The following MC2R variants were observed in gnomAD, a reference collection of about 807,000 sequenced individuals.
MC2R encodes the protein adrenocorticotropic hormone receptor.
MC2R carries 9 observed loss-of-function variants against 9.8 expected under a neutral mutation model. The observed-to-expected ratio is 0.92, with a 90% confidence interval of 0.55 to 1.60. The LOEUF is 1.60. Among genes scored for constraint, MC2R ranks in the 40% most tolerant of loss-of-function variants. The pLI, the probability that MC2R is intolerant of heterozygous loss-of-function variation, is 0.00. For synonymous variants in MC2R, 185 were observed against 154.7 expected (o/e 1.20, Z -1.45); for missense variants, 370 against 389.0 (o/e 0.95, Z 0.41).
At chr18:13,898,303 C>T (rs1042767905) in intron 1 of MC2R, among the ~76,000 whole-genome samples, 14 of 152,232 alleles carry the variant, frequency 9.2e-5, no homozygotes, top group African/African-American at 2.4e-4. Context: ...CGGAAAGAGA[C>T]GGGTGAGTGG....
intron 1 of MC2R, among the ~76,000 whole-genome samples, chr18:13,898,222 C>T (rs138383212): frequency 5.3e-4 from 80 of 152,254 alleles, no homozygotes; most frequent in Middle Eastern, 6.8e-3. Flanking sequence ...AAGGAAACAT[C>T]GGTGGTAGGC....
intron 1 of MC2R, among the ~76,000 whole-genome samples, chr18:13,891,146 A>G (rs563486655): frequency 6.6e-6 from 1 of 152,330 alleles, no homozygotes; most frequent in Non-Finnish European, 1.5e-5. Flanking sequence ...GTCCACGGCC[A>G]GCATGCCTCC....
rs143627249 is a variant in MC2R at position 13,897,356 on chromosome 18, C to G, written c.-128-11710G>C. Among the ~76,000 whole-genome samples, 182 of 152,290 alleles carry G rather than the reference C, an allele frequency of 1.2e-3. 4 individuals carry two copies. The East Asian group carries it at 0.016, about 13-fold the overall frequency. On this transcript the variant is annotated intron_variant, in intron 1 of 1. Coordinates refer to ENST00000327606, the MANE Select transcript of MC2R (RefSeq NM_000529.2). ...AGGGGGAATCGCTGACCCCAATGGT[C>G]GGAACTTGAGTTCCCGCAAACCTTG...
chr18:13,912,232 T>C (rs2045448772), intron 1 of MC2R, among the ~76,000 whole-genome samples: 1 of 152,162 alleles, frequency 6.6e-6, no homozygotes, highest in Admixed American at 6.5e-5. Flanking sequence ...GAGTGAAAGG[T>C]ATTCTCTCTT....
At chr18:13,902,409 C>A (rs2045385670) in intron 1 of MC2R, among the ~76,000 whole-genome samples, 1 of 152,098 alleles carries the variant, frequency 6.6e-6, no homozygotes, top group African/African-American at 2.4e-5. Flanking sequence ...AATAACAGAA[C>A]TGCAGGAATC....
At chr18:13,914,451 A>G (rs932216741) in intron 1 of MC2R, among the ~76,000 whole-genome samples, 1 of 152,144 alleles carries the variant, frequency 6.6e-6, no homozygotes, top group African/African-American at 2.4e-5. Context: ...TGAATGTGTG[A>G]GCAGAGCCTG....
At chr18:13,892,230 T>C (rs575386540) in intron 1 of MC2R, among the ~76,000 whole-genome samples, 2 of 152,244 alleles carry the variant, frequency 1.3e-5, no homozygotes, top group African/African-American at 4.8e-5. Flanking sequence ...TGGTGGCAAG[T>C]CAGAATGAAG....
Position 13,885,115 on chromosome 18 carries a change from G to A in MC2R, c.404C>T (p.Ala135Val). ...GGTCACGATGCTGTGGTACCGCAGT[G>A]CGTGGAAGATGGTGATGTAGCGGTC... The part of the protein sequence containing the change: ...AADRYITIFH[A>V]LRYHSIVTMR... The change falls in exon 2 of 2, where the codon GCA becomes GTA. Residue 135 changes from alanine to valine, a missense_variant. Transcript: ENST00000327606. The A allele has an allele frequency of 1.9e-6, 3 of 1,614,160 alleles. No individual in the cohort carries two copies. Among genetic ancestry groups the A allele is most frequent in the Non-Finnish European group, 2.5e-6 (3 of 1,180,044 alleles).
rs541221457 is a variant in MC2R, at chr18:13,896,938, A to C, written c.-128-11292T>G. 2.0e-5 allele frequency among the ~76,000 whole-genome samples: 3 copies of C among 152,356 alleles called. No homozygotes were observed. The East Asian group carries it at 5.8e-4, about 29-fold the overall frequency. The stretch of plus-strand genomic sequence containing the variant: ...AAAATCACAGCTCAACATACCTTGA[A>C]ATAATAAAGGCAGAGACAGAACAGA... On this transcript the variant is annotated intron_variant, in intron 1 of 1. Transcript: ENST00000327606.
At position 13,885,439 on chromosome 18, in the gene MC2R, G is replaced by C. The variant is rs28926178; in HGVS notation, c.80C>G (p.Pro27Arg). The C allele has an allele frequency of 3.7e-3, 5,949 of 1,613,930 alleles. 17 individuals are homozygous for C. Among genetic ancestry groups the C allele is most frequent in the Non-Finnish European group, 4.3e-3 (5,121 of 1,179,918 alleles). The stretch of plus-strand genomic sequence containing the variant: ...GGAAATTGTGAAAAATATCTCCTCC[G>C]GCAAAACCACACGAGGACAGTCGGA... ...NNSDCPRVVL[P>R]EEIFFTISIV... The change falls in exon 2 of 2, where the codon CCG (proline) becomes CGG (arginine). Residue 27 changes from proline to arginine, a missense_variant. Transcript: ENST00000327606.
intron 1 of MC2R, among the ~76,000 whole-genome samples, chr18:13,913,116 C>T (rs918076025): frequency 6.6e-6 from 1 of 152,088 alleles, no homozygotes; most frequent in African/African-American, 2.4e-5. Context: ...TTAGGACGAG[C>T]GAAGGAAAGT....
Position 13,882,196 on chromosome 18 carries a change from A to G in MC2R, c.*2429T>C, listed in dbSNP as rs906350421. On this transcript the variant is annotated 3_prime_UTR_variant, in exon 2 of 2. Transcript: ENST00000327606. ...AGCAGTTTAAAAATTGGGTAATTTG[A>G]TAAAAGAATTAAGTCCTCATGGGAA... 3.3e-5 allele frequency: 5 copies of G among 152,042 alleles called. No individual in the cohort carries two copies. Among genetic ancestry groups the G allele is most frequent in the African/African-American group, 1.2e-4 (5 of 41,252 alleles). The allele number at this position is 152,042 out of a possible 1,614,324, so 9.4% of individuals were successfully genotyped here. A position where few individuals can be genotyped will look rare whatever the true frequency, so the allele number is the denominator to read the frequency against.
In MC2R at chr18:13,884,685, G is replaced by A; in HGVS notation, c.834C>T (p.Phe278=). The change falls in exon 2 of 2, where the codon TTC becomes TTT. Residue 278 remains phenylalanine, a synonymous_variant. Transcript: ENST00000327606. ...ATGCGTCCCTGAGCTCTGGGCTCCG[G>A]AAGGCATATATGAAGGGGTCAATGA... ...NAVIDPFIYA[F]RSPELRDAFK... The A allele has an allele frequency of 1.2e-6, 2 of 1,614,102 alleles. No individual in the cohort carries two copies.
intron 1 of MC2R, among the ~76,000 whole-genome samples, chr18:13,888,550 C>A (rs1333553974): frequency 6.6e-6 from 1 of 152,222 alleles, no homozygotes; most frequent in East Asian, 1.9e-4. Flanking sequence ...CGCCTTGTGA[C>A]CACCATGTCA....
intron 1 of MC2R, among the ~76,000 whole-genome samples, chr18:13,914,501 A>C (rs2045465088): frequency 6.6e-6 from 1 of 152,092 alleles, no homozygotes; most frequent in Non-Finnish European, 1.5e-5. Context: ...TGGGGTGGGG[A>C]GGGCATGTGA....
Position 13,884,669 on chromosome 18 carries a change from T to C in MC2R, c.850A>G (p.Arg284Gly), listed in dbSNP as rs2045261158. Reference protein sequence around the residue: ...FIYAFRSPELRDAFKKMIFCS... With the variant: ...FIYAFRSPELGDAFKKMIFCS... ...AAGATCATCTTTTTGAATGCGTCCC[T>C]GAGCTCTGGGCTCCGGAAGGCATAT... The change falls in exon 2 of 2, where the codon AGG becomes GGG. Residue 284 changes from arginine to glycine, a missense_variant. By Grantham distance (125) the Arg-to-Gly change is moderately radical (BLOSUM62 -2). Coordinates refer to ENST00000327606, the MANE Select transcript of MC2R (RefSeq NM_000529.2). The C allele has an allele frequency of 5.6e-6, 9 of 1,614,006 alleles. No individual in the cohort carries two copies. Among genetic ancestry groups the C allele is most frequent in the Non-Finnish European group, 7.6e-6 (9 of 1,180,032 alleles).
At position 13,883,463 on chromosome 18, in the gene MC2R, G is replaced by A. The variant is rs1336447525; in HGVS notation, c.*1162C>T. 1 of 152,144 alleles carries A rather than the reference G, an allele frequency of 6.6e-6. No individual in the cohort carries two copies. Among genetic ancestry groups the A allele is most frequent in the Non-Finnish European group, 1.5e-5 (1 of 68,036 alleles). The allele number at this position is 152,144 out of a possible 1,614,324, so 9.4% of individuals were successfully genotyped here. On this transcript the variant is annotated 3_prime_UTR_variant, in exon 2 of 2. Coordinates refer to ENST00000327606, the MANE Select transcript of MC2R (RefSeq NM_000529.2). ...CTGCTTTCACATTCATCTGCAGAAT[G>A]AGGTGGTGTTTGCCTCCCTCAGGTC...
At chr18:13,896,698 C>T (rs532151197) in intron 1 of MC2R, among the ~76,000 whole-genome samples, 190 of 152,296 alleles carry the variant, frequency 1.2e-3, no homozygotes, top group Non-Finnish European at 2.3e-3. Flanking sequence ...GCAAGGAACA[C>T]ACTCTCTGCC....
chr18:13,886,644 C>T (rs1291783863), intron 1 of MC2R, among the ~76,000 whole-genome samples: 5 of 152,282 alleles, frequency 3.3e-5, no homozygotes, highest in South Asian at 2.1e-4. Context: ...ATACAATGAG[C>T]GTCAGCACTT....
Sources: allele counts gnomAD v4.1 joint callset (sites outside exome capture counted in the v4.1 genomes callset), GRCh38; gene constraint gnomAD v4.1.1; transcripts MANE v1.5; gene names NCBI Gene and HGNC (gene_info 2026-07-23, HGNC 2026-07-21).